EPHB1: variants seen among roughly 807,000 people sequenced by gnomAD.
EPHB1 encodes the protein ephrin type-B receptor 1.
A neutral mutation model predicts 94.4 loss-of-function variants in EPHB1; 30 were observed. The observed-to-expected ratio is 0.32, with a 90% confidence interval of 0.24 to 0.43. The LOEUF (loss-of-function observed/expected upper bound fraction) is 0.43, where lower values mean the gene tolerates loss of function less well. EPHB1 is among the 20% of genes least tolerant of loss of function. The pLI, the probability that EPHB1 is intolerant of heterozygous loss-of-function variation, is 1.00. For missense variants in EPHB1, 1,055 were observed against 1,308.3 expected (o/e 0.81, Z 2.99); for synonymous variants, 522 against 489.1 (o/e 1.07, Z -0.89).
chr3:135,029,273 T>C (rs1423351314), intron 3 of EPHB1, among the ~76,000 whole-genome samples: 1 of 151,208 alleles, frequency 6.6e-6, no homozygotes, highest in Non-Finnish European at 1.5e-5. Context: ...ATTATGATGT[T>C]AGCTGGTCAT....
chr3:135,250,702 C>G (rs904672622), intron 15 of EPHB1, among the ~76,000 whole-genome samples: 1 of 152,098 alleles, frequency 6.6e-6, no homozygotes, highest in African/African-American at 2.4e-5. Context: ...CTCTACCCTT[C>G]AAACACACAC....
intron 9 of EPHB1, among the ~76,000 whole-genome samples, chr3:135,178,161 T>G (rs1942037533): frequency 6.7e-6 from 1 of 149,088 alleles, no homozygotes; most frequent in South Asian, 2.2e-4. Context: ...TCTTAAAAAA[T>G]AATCCCCTCA....
chr3:134,942,379 G>T (rs77755807), intron 2 of EPHB1, among the ~76,000 whole-genome samples: 4,351 of 152,320 alleles, frequency 0.029, 160 homozygotes, highest in African/African-American at 0.082. Flanking sequence ...TGACGAAACA[G>T]AAGGGGAGGG....
At chr3:134,984,552 T>C (rs1332813369) in intron 3 of EPHB1, among the ~76,000 whole-genome samples, 1 of 152,172 alleles carries the variant, frequency 6.6e-6, no homozygotes, top group African/African-American at 2.4e-5. Flanking sequence ...GCTACTCTTC[T>C]AGGCCCTAGA....
At chr3:135,131,151 C>T (rs1346354639) in intron 4 of EPHB1, among the ~76,000 whole-genome samples, 1 of 152,228 alleles carries the variant, frequency 6.6e-6, no homozygotes, top group Non-Finnish European at 1.5e-5. Flanking sequence ...GTTTGCAAGA[C>T]TTCAGTAAAA....
At chr3:135,096,967 ATG>A (rs1938805612) in intron 3 of EPHB1, among the ~76,000 whole-genome samples, 1 of 151,906 alleles carries the variant, frequency 6.6e-6, no homozygotes, top group Non-Finnish European at 1.5e-5. Context: ...GTGGTGACAC[ATG>A]CCTGTAGTCC....
chr3:135,192,518 C>A, intron 10 of EPHB1, 58 bp from the exon 11 acceptor site: 1 of 1,584,992 alleles, frequency 6.3e-7, no homozygotes. Flanking sequence ...GATGACTTCC[C>A]TCTTGAGTCC....
chr3:135,063,706 G>T (rs1937545458), intron 3 of EPHB1, among the ~76,000 whole-genome samples: 1 of 152,086 alleles, frequency 6.6e-6, no homozygotes, highest in South Asian at 2.1e-4. Flanking sequence ...GATTGCTCTG[G>T]CTAGAACTTC....
chr3:135,184,144 A>G (rs4894257), intron 10 of EPHB1, among the ~76,000 whole-genome samples: 66,871 of 151,922 alleles, frequency 0.44, 15,147 homozygotes, highest in East Asian at 0.7. Context: ...GTGACTAGTG[A>G]GCTTGGTGCC....
rs142023742 is a variant in EPHB1 at position 135,216,957 on chromosome 3, C to T, written c.2346+15268C>T. Among the ~76,000 whole-genome samples the T allele has an allele frequency of 1.6e-3, 244 of 152,158 alleles. 1 individual carries two copies. Among genetic ancestry groups the T allele is most frequent in the African/African-American group, 5.6e-3 (234 of 41,520 alleles). On this transcript the variant is annotated intron_variant, in intron 12 of 15. Transcript: ENST00000398015. The stretch of plus-strand genomic sequence containing the variant: ...CACTGTTCAAGGAAAGAAGGCAGTT[C>T]GGTGTGCCTGATGGGGGTCACCTGT...
intron 1 of EPHB1, among the ~76,000 whole-genome samples, chr3:134,813,022 G>A (rs925035056): frequency 3.3e-5 from 5 of 152,154 alleles, no homozygotes; most frequent in African/African-American, 1.2e-4. Context: ...AGACAATTTG[G>A]GTTGCCCTGT....
At chr3:135,248,276 C>G (rs376569205) in intron 13 of EPHB1, 40 bp from the exon 14 acceptor site, 1 of 1,485,924 alleles carries the variant, frequency 6.7e-7, no homozygotes, top group South Asian at 1.4e-5. Flanking sequence ...TGGCTGGTGG[C>G]AGTCACTCAA....
chr3:135,000,979 C>G (rs1260405093), intron 3 of EPHB1, among the ~76,000 whole-genome samples: 1 of 152,186 alleles, frequency 6.6e-6, no homozygotes, highest in Admixed American at 6.5e-5. Context: ...CTCCCCTCCT[C>G]ATCTCATTTT....
chr3:135,196,364 G>A (rs963573125), intron 11 of EPHB1, among the ~76,000 whole-genome samples: 1 of 152,134 alleles, frequency 6.6e-6, no homozygotes, highest in East Asian at 1.9e-4. Flanking sequence ...GATGAGCTGA[G>A]CTTGCAGGGG....
chr3:134,961,427 A>G (rs1304534375), intron 3 of EPHB1, among the ~76,000 whole-genome samples: 1 of 152,224 alleles, frequency 6.6e-6, no homozygotes, highest in Non-Finnish European at 1.5e-5. Flanking sequence ...TTAATTTCTG[A>G]ACCTTTCTTC....
chr3:135,036,076 A>T (rs1936636328), intron 3 of EPHB1, among the ~76,000 whole-genome samples: 1 of 152,038 alleles, frequency 6.6e-6, no homozygotes, highest in Non-Finnish European at 1.5e-5. Flanking sequence ...TCCACTTAGT[A>T]CTCTCCAGTG....
intron 1 of EPHB1, among the ~76,000 whole-genome samples, chr3:134,889,363 G>C (rs947935600): frequency 3.3e-5 from 5 of 152,062 alleles, no homozygotes; most frequent in East Asian, 3.9e-4. Flanking sequence ...TGACCCTCAT[G>C]ATGGGCCACT....
At chr3:134,947,633 G>A (rs975149) in intron 2 of EPHB1, among the ~76,000 whole-genome samples, 85,562 of 152,070 alleles carry the variant, frequency 0.56, 26,036 homozygotes, top group African/African-American at 0.79. Context: ...GTCACCCATT[G>A]TGATTTCTCA....
intron 12 of EPHB1, among the ~76,000 whole-genome samples, chr3:135,210,083 G>A (rs1942998304): frequency 6.6e-6 from 1 of 152,196 alleles, no homozygotes; most frequent in African/African-American, 2.4e-5. Context: ...GAGTAGAAGA[G>A]TTGGGAATAG....
Sources: gnomAD v4.1 joint callset for allele counts (sites outside exome capture counted in the v4.1 genomes callset) on GRCh38, gnomAD v4.1.1 for gene constraint, MANE v1.5 for transcripts, NCBI Gene and HGNC (gene_info 2026-07-23, HGNC 2026-07-21) for gene names.